Variants in SPIRE1 observed in about 807,000 individuals in gnomAD.
The protein encoded by SPIRE1 is protein spire homolog 1.
Under a neutral mutation model 94.1 loss-of-function variants are expected in SPIRE1, and 40 were observed. The ratio of observed to expected loss-of-function variants is 0.43; its 90% confidence interval spans 0.33 to 0.55. The LOEUF (loss-of-function observed/expected upper bound fraction) is 0.55. Among genes scored for constraint, SPIRE1 ranks in the 20% least tolerant of loss-of-function variants. The probability of loss-of-function intolerance (pLI) is 0.06; values close to 1 mark genes in which losing one functional copy is unlikely to be tolerated. For missense variants in SPIRE1, 838 were observed against 975.2 expected (o/e 0.86, Z 1.87); for synonymous variants, 376 against 371.7 (o/e 1.01, Z -0.13).
At chr18:12,469,976 C>G (rs1365951358) in intron 10 of SPIRE1, among the ~76,000 whole-genome samples, 2 of 151,930 alleles carry the variant, frequency 1.3e-5, no homozygotes, top group African/African-American at 4.8e-5. Flanking sequence ...AGTTCTCACT[C>G]TGTTGCCCAG....
chr18:12,483,033 C>T (rs571552724), intron 9 of SPIRE1, among the ~76,000 whole-genome samples: 9 of 150,600 alleles, frequency 6.0e-5, no homozygotes, highest in African/African-American at 2.0e-4. Context: ...CTTGACCTCT[C>T]GGGCTCAGGC....
rs768537942 is a variant in SPIRE1 at position 12,512,500 on chromosome 18, C to T, written c.761G>A (p.Ser254Asn). 2 of 1,612,378 alleles carry T rather than the reference C, an allele frequency of 1.2e-6. No homozygotes were observed. The highest frequency in any genetic ancestry group is 8.5e-7 in the Non-Finnish European group (1 of 1,178,960). ...TTCCAAGTCTGTGCTAGATTCATCG[C>T]TCTTTTCCATTTCTTGAATCTTCTT... Reference protein sequence around the residue: ...NLKKIQEMEKSDESSTDLEEL... With the variant: ...NLKKIQEMEKNDESSTDLEEL... The change falls in exon 5 of 17, where the codon AGC becomes AAC. Residue 254 changes from serine to asparagine, a missense_variant. Physicochemically the swap from Ser to Asn is conservative, Grantham distance 46 (BLOSUM62 1). Around this residue, in one of 2 missense-constraint regions of SPIRE1, gnomAD observed 645 missense variants for 804.7 expected, o/e 0.80. Transcript: ENST00000409402.
At chr18:12,463,011 C>A (rs909677116) in intron 12 of SPIRE1, among the ~76,000 whole-genome samples, 1 of 152,040 alleles carries the variant, frequency 6.6e-6, no homozygotes, top group African/African-American at 2.4e-5. Context: ...TCCTCTCACA[C>A]CTCATCCTCT....
At chr18:12,646,620 T>C (rs1291740249) in intron 1 of SPIRE1, among the ~76,000 whole-genome samples, 2 of 152,198 alleles carry the variant, frequency 1.3e-5, no homozygotes, top group Non-Finnish European at 2.9e-5. Context: ...TTATCTCTAT[T>C]TATATTTTTA....
intron 1 of SPIRE1, among the ~76,000 whole-genome samples, chr18:12,636,972 A>G (rs997221809): frequency 1.1e-4 from 16 of 152,204 alleles, no homozygotes; most frequent in Admixed American, 2.0e-4. Flanking sequence ...TTCGGCAAAC[A>G]GTTACTGAGA....
intron 4 of SPIRE1, among the ~76,000 whole-genome samples, chr18:12,518,087 C>G (rs191270024): frequency 2.0e-5 from 3 of 152,116 alleles, no homozygotes; most frequent in Non-Finnish European, 4.4e-5. Context: ...CATGGCTCAC[C>G]GCAGCCTCAA....
intron 3 of SPIRE1, among the ~76,000 whole-genome samples, chr18:12,537,111 CCTT>C (rs1302023186): frequency 3.9e-5 from 6 of 152,096 alleles, no homozygotes; most frequent in African/African-American, 7.2e-5. Context: ...GAATAGGAAA[CCTT>C]CTTCACAGTA....
intron 1 of SPIRE1, among the ~76,000 whole-genome samples, chr18:12,656,357 A>G (rs1191890925): frequency 1.3e-5 from 2 of 152,238 alleles, no homozygotes; most frequent in East Asian, 1.9e-4. Context: ...AGAACAATTA[A>G]AAAGATGGCT....
intron 4 of SPIRE1, among the ~76,000 whole-genome samples, chr18:12,531,400 T>G (rs1406723377): frequency 1.3e-5 from 2 of 152,216 alleles, no homozygotes; most frequent in African/African-American, 4.8e-5. Flanking sequence ...CATCAAAGTA[T>G]CTACCTCCAT....
intron 2 of SPIRE1, among the ~76,000 whole-genome samples, chr18:12,573,074 A>AC (rs1467438246): frequency 6.6e-6 from 1 of 152,212 alleles, no homozygotes; most frequent in Non-Finnish European, 1.5e-5. Flanking sequence ...GACTGGAAGA[A>AC]AATATCTGCA....
At chr18:12,659,810 G>A (rs1044865420), upstream of SPIRE1, among the ~76,000 whole-genome samples, 1 of 152,144 alleles carries the variant, frequency 6.6e-6, no homozygotes, top group Non-Finnish European at 1.5e-5. Flanking sequence ...TAGCAATGCA[G>A]TATCTATGTG....
intron 1 of SPIRE1, among the ~76,000 whole-genome samples, chr18:12,636,763 T>C (rs1598567880): frequency 6.6e-6 from 1 of 152,198 alleles, no homozygotes; most frequent in South Asian, 2.1e-4. Flanking sequence ...ACTTATATAT[T>C]TATTTATTGT....
upstream of SPIRE1, among the ~76,000 whole-genome samples, chr18:12,659,808 C>T (rs1185380473): frequency 6.6e-6 from 1 of 152,186 alleles, no homozygotes; most frequent in Non-Finnish European, 1.5e-5. Context: ...TGTAGCAATG[C>T]AGTATCTATG....
At position 12,523,871 on chromosome 18, in the gene SPIRE1, T is replaced by G. The variant is rs191293803; in HGVS notation, c.730-11340A>C. Among the ~76,000 whole-genome samples, 552 of 152,266 alleles carry G rather than the reference T, an allele frequency of 3.6e-3. 1 individual carries two copies. The highest frequency in any genetic ancestry group is 0.013 in the African/African-American group (520 of 41,570). Reference sequence around the variant, plus strand: ...GTTAATTTTTTTAAAAACTATTTTTTGCAGAGATAGGATCTCACTACATTG... The same window carrying G: ...GTTAATTTTTTTAAAAACTATTTTTGGCAGAGATAGGATCTCACTACATTG... On this transcript the variant is annotated intron_variant, in intron 4 of 16. Coordinates refer to ENST00000409402, the MANE Select transcript of SPIRE1 (RefSeq NM_001128626.2).
At chr18:12,534,102 A>G (rs1331797835) in intron 4 of SPIRE1, among the ~76,000 whole-genome samples, 3 of 152,186 alleles carry the variant, frequency 2.0e-5, no homozygotes, top group Non-Finnish European at 4.4e-5. Context: ...AAGACAGACT[A>G]TAAGCAGTAC....
At chr18:12,519,619 A>G (rs1320535271) in intron 4 of SPIRE1, among the ~76,000 whole-genome samples, 9 of 152,258 alleles carry the variant, frequency 5.9e-5, no homozygotes, top group Admixed American at 5.9e-4. Context: ...TTAATAAATA[A>G]AGACAAATTA....
intron 16 of SPIRE1, 44 bp from the exon 17 acceptor site, chr18:12,449,940 G>A (rs750402528): frequency 6.3e-7 from 1 of 1,576,636 alleles, no homozygotes; most frequent in African/African-American, 1.4e-5. Context: ...TTACTTATAG[G>A]TCTGCTGCAA....
At chr18:12,528,098 C>G (rs2034578504) in intron 4 of SPIRE1, among the ~76,000 whole-genome samples, 1 of 151,398 alleles carries the variant, frequency 6.6e-6, no homozygotes, top group Non-Finnish European at 1.5e-5. Context: ...GACTCCAACT[C>G]TAATATTTAT....
chr18:12,592,040 T>G (rs2036551436), intron 2 of SPIRE1, among the ~76,000 whole-genome samples: 1 of 151,748 alleles, frequency 6.6e-6, no homozygotes, highest in African/African-American at 2.4e-5. Context: ...ACTTTAACTT[T>G]GAGATATTCC....
Sources: allele counts gnomAD v4.1 joint callset (sites outside exome capture counted in the v4.1 genomes callset), GRCh38; gene constraint gnomAD v4.1.1; regional missense constraint gnomAD v4.1.1; transcripts MANE v1.5; gene names NCBI Gene and HGNC (gene_info 2026-07-23, HGNC 2026-07-21).